MTDH: variants seen among roughly 807,000 people sequenced by gnomAD.
The protein encoded by MTDH is metadherin.
A neutral mutation model predicts 72.7 loss-of-function variants in MTDH; 34 were observed. The ratio of observed to expected loss-of-function variants is 0.47; its 90% CI spans 0.36 to 0.62. The LOEUF (loss-of-function observed/expected upper bound fraction) is 0.62. MTDH is among the 20% of genes least tolerant of loss of function. The probability of loss-of-function intolerance (pLI) is 0.00; values close to 1 mark genes in which losing one functional copy is unlikely to be tolerated. For synonymous variants in MTDH, 266 were observed against 268.9 expected, an observed-to-expected ratio of 0.99 and a Z score of 0.10; for missense variants, 677 against 699.4, an observed-to-expected ratio of 0.97 and a Z score of 0.36.
chr8:97,697,385 T>A (rs1305084658), intron 6 of MTDH, among the ~76,000 whole-genome samples: 19 of 127,398 alleles, frequency 1.5e-4, no homozygotes, highest in Non-Finnish European at 2.8e-4. Context: ...ATTTCGGTTT[T>A]TTTTTTTTTT....
chr8:97,661,225 T>C, intron 2 of MTDH, 52 bp downstream of exon 2: 1 of 1,302,108 alleles, frequency 7.7e-7, no homozygotes, highest in Non-Finnish European at 1.1e-6. Flanking sequence ...TAGAATGACA[T>C]ATAAGGATAA....
At chr8:97,677,696 C>T (rs1419306263) in intron 2 of MTDH, among the ~76,000 whole-genome samples, 1 of 151,982 alleles carries the variant, frequency 6.6e-6, no homozygotes, top group Non-Finnish European at 1.5e-5. Flanking sequence ...AAAAACTTTG[C>T]CTAATTATAC....
intron 6 of MTDH, among the ~76,000 whole-genome samples, chr8:97,697,150 A>ATTTTT (rs59102217): frequency 7.6e-4 from 52 of 68,722 alleles, no homozygotes; most frequent in East Asian, 4.1e-3. Context: ...ATATATATAT[A>ATTTTT]TTTTTTTTTT....
chr8:97,705,530 G>T (rs745595504), intron 7 of MTDH, among the ~76,000 whole-genome samples: 18 of 152,218 alleles, frequency 1.2e-4, no homozygotes, highest in Non-Finnish European at 2.1e-4. Context: ...AACCTGGGAG[G>T]CAGAGGTTCC....
chr8:97,697,146 A>AT lies in MTDH; in HGVS notation c.1049-2607dup, dbSNP rs1317264159. On this transcript the variant is annotated intron_variant, in intron 6 of 11. Transcript: ENST00000336273. ...AAAAAAAAAATATATATATATATAT[A>AT]TATATTTTTTTTTTGTGGACCCAGT... 1.7e-3 allele frequency among the ~76,000 whole-genome samples: 117 copies of AT among 68,940 alleles called. 17 individuals carry two copies. The highest frequency in any genetic ancestry group is 0.015 in the African/African-American group (108 of 7,348). 45.2% of individuals were successfully genotyped at this position (68,940 alleles called of 152,430 possible). A position where few individuals can be genotyped will look rare whatever the true frequency, so the allele number is the denominator to read the frequency against.
intron 2 of MTDH, among the ~76,000 whole-genome samples, chr8:97,680,800 C>A (rs1813038328): frequency 6.6e-6 from 1 of 152,150 alleles, no homozygotes; most frequent in Non-Finnish European, 1.5e-5. Flanking sequence ...ATTTCAAATG[C>A]TAGACAGGCT....
chr8:97,701,129 G>T (rs1381706479), intron 7 of MTDH, among the ~76,000 whole-genome samples: 1 of 152,142 alleles, frequency 6.6e-6, no homozygotes, highest in Non-Finnish European at 1.5e-5. Flanking sequence ...AGCAAATAAT[G>T]TGTCATATCT....
chr8:97,687,280 T>C (rs2131000710), intron 3 of MTDH, 149 bp from the exon 4 acceptor site: 1 of 514,082 alleles, frequency 1.9e-6, no homozygotes, highest in East Asian at 3.3e-5. Flanking sequence ...ATTCTTAGGA[T>C]GAGTTAATAT....
At chr8:97,672,325 T>A (rs1374599968) in intron 2 of MTDH, among the ~76,000 whole-genome samples, 5 of 152,226 alleles carry the variant, frequency 3.3e-5, no homozygotes, top group Non-Finnish European at 7.3e-5. Flanking sequence ...TATTAAATTC[T>A]CATTGTAGTC....
chr8:97,644,317 C>G lies in MTDH; in HGVS notation c.-190C>G. 3 of 687,982 alleles carry G rather than the reference C, an allele frequency of 4.4e-6. No individual in the cohort carries two copies. Among genetic ancestry groups the G allele is most frequent in the Non-Finnish European group, 6.7e-6 (3 of 445,886 alleles). The allele number at this position is 687,982 out of a possible 1,614,324, so 42.6% of individuals were successfully genotyped here. A position where few individuals can be genotyped will look rare whatever the true frequency, so the allele number is the denominator to read the frequency against. On this transcript the variant is annotated 5_prime_UTR_variant, in exon 1 of 12. Coordinates refer to ENST00000336273, the MANE Select transcript of MTDH (RefSeq NM_178812.4). Reference sequence around the variant, plus strand: ...GGCGGCGGCGGAGTGAGGCTGACAGCGGGGAACCTGGGAGACCCCTCCGCC... The same window carrying G: ...GGCGGCGGCGGAGTGAGGCTGACAGGGGGGAACCTGGGAGACCCCTCCGCC...
intron 8 of MTDH, among the ~76,000 whole-genome samples, chr8:97,707,098 G>A (rs1051444449): frequency 6.6e-6 from 1 of 151,662 alleles, no homozygotes; most frequent in Non-Finnish European, 1.5e-5. Context: ...TAGGGTTGGG[G>A]TGTTGTATTT....
At chr8:97,701,146 A>G (rs1814105890) in intron 7 of MTDH, among the ~76,000 whole-genome samples, 1 of 152,086 alleles carries the variant, frequency 6.6e-6, no homozygotes, top group African/African-American at 2.4e-5. Context: ...ATCTGTTTTC[A>G]TAGGTTGTTG....
chr8:97,683,045 C>CT (rs71271144), intron 2 of MTDH, among the ~76,000 whole-genome samples: 645 of 44,378 alleles, frequency 0.015, 284 homozygotes, highest in Middle Eastern at 0.04. Flanking sequence ...CTCTTAGACA[C>CT]TTTTTTTTTT....
In MTDH at chr8:97,713,763, T is replaced by G. The variant is rs1814730840; in HGVS notation, c.1374T>G (p.Thr458=). The G allele has an allele frequency of 1.3e-6, 2 of 1,566,706 alleles. No homozygotes were observed. The highest frequency in any genetic ancestry group is 2.4e-5 in the South Asian group (2 of 83,988). Residue 458 remains threonine (T), a synonymous_variant, in exon 9 of 12, where the codon ACT becomes ACG. Coordinates refer to ENST00000336273, the MANE Select transcript of MTDH (RefSeq NM_178812.4). The part of the protein sequence containing the change: ...KKKKQGEDNS[T]AQDTEELEKE... ...AGAAGCAAGGTGAAGATAACTCTAC[T>G]GCACAGGTAAAATGTCAGAACAACA... is the stretch of plus-strand genomic sequence containing the variant.
chr8:97,684,546 GT>G (rs1247200505), intron 2 of MTDH, among the ~76,000 whole-genome samples: 1 of 152,166 alleles, frequency 6.6e-6, no homozygotes, highest in Non-Finnish European at 1.5e-5. Flanking sequence ...GAGTTCTGTG[GT>G]TGCTCCAAAA....
At chr8:97,676,614 ATCCCAGCACT>A (rs1412977712) in intron 2 of MTDH, among the ~76,000 whole-genome samples, 3 of 152,172 alleles carry the variant, frequency 2.0e-5, no homozygotes, top group African/African-American at 4.8e-5. Context: ...GACGCCTGCA[ATCCCAGCACT>A]TTGGGAGGCC....
At chr8:97,676,114 A>G (rs1812836780) in intron 2 of MTDH, among the ~76,000 whole-genome samples, 1 of 151,568 alleles carries the variant, frequency 6.6e-6, no homozygotes, top group Non-Finnish European at 1.5e-5. Context: ...TAATTTTTGT[A>G]TTTTTTGTAA....
At position 97,718,708 on chromosome 8, in the gene MTDH, G is replaced by GTT. The variant is rs111408831; in HGVS notation, c.1381-330_1381-329dup. 1.7e-4 allele frequency among the ~76,000 whole-genome samples: 25 copies of GTT among 142,876 alleles called. 1 individual carries two copies. The highest frequency in any genetic ancestry group is 6.3e-4 in the African/African-American group (25 of 39,388). The allele number at this position is 142,876 out of a possible 152,430, so 93.7% of individuals were successfully genotyped here. On this transcript the variant is annotated intron_variant, in intron 9 of 11. Coordinates refer to ENST00000336273, the MANE Select transcript of MTDH (RefSeq NM_178812.4). ...AATTTTTGTAGTTTTGTAGTTTTGG[G>GTT]TTTTTTTTTTTTCTTTGAGACAGAA...
At chr8:97,713,915 A>G in intron 9 of MTDH, 146 bp downstream of exon 9, 1 of 436,854 alleles carries the variant, frequency 2.3e-6, no homozygotes, top group Non-Finnish European at 4.0e-6. Context: ...TTACATATTC[A>G]ATACATTATA....
Sources: gnomAD v4.1 joint callset for allele counts (sites outside exome capture counted in the v4.1 genomes callset) on GRCh38, gnomAD v4.1.1 for gene constraint, MANE v1.5 for transcripts, NCBI Gene and HGNC (gene_info 2026-07-23, HGNC 2026-07-21) for gene names.